NKAIN3: variants seen among roughly 807,000 people sequenced by gnomAD.
NKAIN3 encodes sodium/potassium transporting ATPase interacting 3.
Under a neutral mutation model 30.2 loss-of-function variants are expected in NKAIN3, and 25 were observed. The observed-to-expected ratio is 0.83, with a 90% CI of 0.60 to 1.16. The LOEUF (loss-of-function observed/expected upper bound fraction) is 1.16. NKAIN3 is among the 50% of genes most tolerant of loss of function. The pLI is 0.00. For missense variants in NKAIN3, 225 were observed against 254.1 expected (o/e 0.89, Z 0.78); for synonymous variants, 91 against 89.6 (o/e 1.02, Z -0.09).
At chr8:62,640,456 A>G (rs1277084305) in intron 3 of NKAIN3, among the ~76,000 whole-genome samples, 25 of 152,126 alleles carry the variant, frequency 1.6e-4, no homozygotes, top group Admixed American at 1.6e-3. Flanking sequence ...ACTCTGAGTC[A>G]ATTAAACCTC....
intron 1 of NKAIN3, among the ~76,000 whole-genome samples, chr8:62,385,831 A>G (rs1378660006): frequency 6.6e-6 from 1 of 152,170 alleles, no homozygotes; most frequent in East Asian, 1.9e-4. Context: ...ATCAGAAAAA[A>G]ATCTGAGATT....
intron 3 of NKAIN3, among the ~76,000 whole-genome samples, chr8:62,625,618 A>G (rs1217921825): frequency 6.6e-6 from 1 of 152,152 alleles, no homozygotes; most frequent in Non-Finnish European, 1.5e-5. Context: ...TCAGGTTGTG[A>G]TAAATGTGAC....
chr8:62,999,575 T>C (rs1178831587), exon 6 of NKAIN3: 2 of 152,234 alleles, frequency 1.3e-5, no homozygotes, highest in Non-Finnish European at 2.9e-5. Flanking sequence ...TTTTCTTCCA[T>C]CCTTGAGTTA....
chr8:62,321,678 G>T (rs933639294), intron 1 of NKAIN3, among the ~76,000 whole-genome samples: 7 of 151,914 alleles, frequency 4.6e-5, no homozygotes, highest in African/African-American at 1.7e-4. Flanking sequence ...CTGCCTGATT[G>T]TTCCTCTGTA....
chr8:62,423,184 G>T (rs888127035), intron 1 of NKAIN3, among the ~76,000 whole-genome samples: 1 of 152,028 alleles, frequency 6.6e-6, no homozygotes, highest in Non-Finnish European at 1.5e-5. Flanking sequence ...AAGAAACTAG[G>T]AAATGTAGCC....
chr8:62,990,114 T>C (rs1824290759), intron 5 of NKAIN3: 1 of 858,312 alleles, frequency 1.2e-6, no homozygotes, highest in Non-Finnish European at 1.8e-6. Flanking sequence ...TTCAATCTAA[T>C]AAGATCAATT....
chr8:62,638,504 T>G (rs1812204469), intron 3 of NKAIN3, among the ~76,000 whole-genome samples: 1 of 152,142 alleles, frequency 6.6e-6, no homozygotes, highest in Non-Finnish European at 1.5e-5. Context: ...CTGTATTATC[T>G]TGGCAACTTG....
chr8:62,556,804 A>G (rs1016323341), intron 1 of NKAIN3, among the ~76,000 whole-genome samples: 8 of 152,040 alleles, frequency 5.3e-5, no homozygotes, highest in African/African-American at 1.9e-4. Context: ...CTTAAGAGCT[A>G]AAAGATAACG....
At chr8:62,481,112 T>G (rs1806705204) in intron 1 of NKAIN3, among the ~76,000 whole-genome samples, 1 of 152,228 alleles carries the variant, frequency 6.6e-6, no homozygotes, top group South Asian at 2.1e-4. Flanking sequence ...CTTTGTCACA[T>G]GTAATTCTAA....
chr8:62,814,330 C>A (rs1268904042), intron 4 of NKAIN3, among the ~76,000 whole-genome samples: 1 of 149,724 alleles, frequency 6.7e-6, no homozygotes, highest in Non-Finnish European at 1.5e-5. Flanking sequence ...TTTTTTCATT[C>A]TTTTAATGTT....
intron 4 of NKAIN3, chr8:62,863,196 G>C: frequency 6.5e-7 from 1 of 1,544,644 alleles, no homozygotes; most frequent in African/African-American, 1.4e-5. Context: ...TCTCCTGCAG[G>C]CGTTTTTCCA....
chr8:62,855,631 G>C, intron 4 of NKAIN3: 1 of 1,604,044 alleles, frequency 6.2e-7, no homozygotes, highest in Middle Eastern at 2.3e-4. Context: ...TCAAATCCAA[G>C]GCCAAGGCCT....
chr8:62,483,748 G>T, intron 1 of NKAIN3: 1 of 295,618 alleles, frequency 3.4e-6, no homozygotes. Flanking sequence ...GTTGCGGGAG[G>T]CTTTCATTCC....
intron 4 of NKAIN3, among the ~76,000 whole-genome samples, chr8:62,822,097 A>C (rs1818865756): frequency 1.3e-5 from 2 of 152,136 alleles, no homozygotes. Context: ...TGAAGCTTAA[A>C]TTGGATTGAT....
At chr8:62,937,576 G>A (rs1446024693) in intron 5 of NKAIN3, among the ~76,000 whole-genome samples, 4 of 152,076 alleles carry the variant, frequency 2.6e-5, no homozygotes, top group Non-Finnish European at 5.9e-5. Flanking sequence ...TATTTCACAG[G>A]GGACCTTGGG....
At chr8:62,888,641 C>T (rs1290923657) in intron 4 of NKAIN3, among the ~76,000 whole-genome samples, 2 of 152,124 alleles carry the variant, frequency 1.3e-5, no homozygotes, top group Non-Finnish European at 2.9e-5. Context: ...CATGGACTGA[C>T]GACTTCTAAG....
At chr8:62,294,765 C>T (rs1813771597) in intron 1 of NKAIN3, among the ~76,000 whole-genome samples, 1 of 151,984 alleles carries the variant, frequency 6.6e-6, no homozygotes, top group African/African-American at 2.4e-5. Flanking sequence ...GGCTGGTCTC[C>T]AACTGGTGGG....
intron 1 of NKAIN3, among the ~76,000 whole-genome samples, chr8:62,502,559 T>C (rs76008491): frequency 9.3e-6 from 1 of 107,844 alleles, no homozygotes; most frequent in Non-Finnish European, 2.1e-5. Flanking sequence ...TTCTCCTTCT[T>C]CTTCTCAGTA....
intron 1 of NKAIN3, among the ~76,000 whole-genome samples, chr8:62,447,328 G>A (rs1805515241): frequency 1.3e-5 from 2 of 152,012 alleles, no homozygotes; most frequent in Non-Finnish European, 2.9e-5. Flanking sequence ...TTTCAGATTA[G>A]GAAGTGTATT....
Sources: gnomAD v4.1 joint callset for allele counts (sites outside exome capture counted in the v4.1 genomes callset) on GRCh38, gnomAD v4.1.1 for gene constraint, MANE v1.5 for transcripts, NCBI Gene and HGNC (gene_info 2026-07-23, HGNC 2026-07-21) for gene names.